Variants in RGS21 observed in about 807,000 individuals in gnomAD.
RGS21 encodes regulator of G-protein signalling 21.
Under a neutral mutation model 18.7 loss-of-function variants are expected in RGS21, and 19 were observed. The ratio of observed to expected loss-of-function variants is 1.01; its 90% CI spans 0.71 to 1.49. The LOEUF is 1.49. Ranked by LOEUF, RGS21 falls within the 40% of genes most tolerant of loss-of-function variation. The pLI is 0.00. For synonymous variants in RGS21, 56 were observed against 57.8 expected (o/e 0.97, Z 0.14); for missense variants, 194 against 176.8 (o/e 1.10, Z -0.55).
intron 1 of RGS21, among the ~76,000 whole-genome samples, chr1:192,318,113 T>A (rs1369686366): frequency 1.3e-5 from 2 of 152,102 alleles, no homozygotes; most frequent in Non-Finnish European, 2.9e-5. Flanking sequence ...ATTCATCGTA[T>A]AATTGCCTTT....
At chr1:192,335,677 T>C (rs1027829189) in intron 1 of RGS21, among the ~76,000 whole-genome samples, 5 of 152,190 alleles carry the variant, frequency 3.3e-5, no homozygotes, top group Admixed American at 3.3e-4. Flanking sequence ...AACGGAAGGT[T>C]ATTGATAGGT....
At chr1:192,351,831 T>C (rs920187605) in intron 3 of RGS21, among the ~76,000 whole-genome samples, 3 of 148,518 alleles carry the variant, frequency 2.0e-5, no homozygotes, top group Admixed American at 1.4e-4. Flanking sequence ...ATATGTGTTA[T>C]ATATGTTATA....
At chr1:192,328,397 GAATT>G (rs1658599001) in intron 1 of RGS21, among the ~76,000 whole-genome samples, 1 of 152,116 alleles carries the variant, frequency 6.6e-6, no homozygotes, top group Non-Finnish European at 1.5e-5. Flanking sequence ...CTTAGTAGTT[GAATT>G]AATAATTTAG....
At chr1:192,344,655 A>G (rs959560939) in intron 2 of RGS21, among the ~76,000 whole-genome samples, 2 of 152,134 alleles carry the variant, frequency 1.3e-5, no homozygotes, top group Admixed American at 1.3e-4. Context: ...ACTGGCAACA[A>G]ACAAGCATTA....
chr1:192,334,440 A>G (rs1658734729), intron 1 of RGS21, among the ~76,000 whole-genome samples: 1 of 152,174 alleles, frequency 6.6e-6, no homozygotes, highest in Non-Finnish European at 1.5e-5. Context: ...ACTGAATTCT[A>G]TTTCAGGAAG....
At chr1:192,333,134 G>A (rs1658684399) in intron 1 of RGS21, among the ~76,000 whole-genome samples, 1 of 151,990 alleles carries the variant, frequency 6.6e-6, no homozygotes, top group Admixed American at 6.6e-5. Flanking sequence ...TGCCGATCTA[G>A]GTAATAGAAC....
chr1:192,362,638 G>C (rs1659202127), intron 4 of RGS21, among the ~76,000 whole-genome samples: 1 of 152,148 alleles, frequency 6.6e-6, no homozygotes. Context: ...CATCTCCTGA[G>C]AACAGTAAAC....
intron 1 of RGS21, among the ~76,000 whole-genome samples, chr1:192,320,208 A>C (rs1658476206): frequency 1.3e-5 from 2 of 152,010 alleles, no homozygotes; most frequent in African/African-American, 4.8e-5. Context: ...ATCTGGGTGA[A>C]ATAATCTGTT....
intron 2 of RGS21, among the ~76,000 whole-genome samples, chr1:192,345,580 C>T (rs180975985): frequency 3.9e-5 from 6 of 152,116 alleles, no homozygotes; most frequent in African/African-American, 1.4e-4. Flanking sequence ...GACTTACATA[C>T]TAATGGGAAT....
intron 3 of RGS21, among the ~76,000 whole-genome samples, chr1:192,348,107 C>T (rs1658982685): frequency 1.3e-5 from 2 of 150,970 alleles, no homozygotes; most frequent in African/African-American, 2.4e-5. Flanking sequence ...CTCACTGCAA[C>T]CTCTGCCTCC....
At chr1:192,353,796 G>A (rs931479915) in intron 4 of RGS21, among the ~76,000 whole-genome samples, 1 of 151,434 alleles carries the variant, frequency 6.6e-6, no homozygotes, top group Non-Finnish European at 1.5e-5. Context: ...AAACTTCACA[G>A]CTTTTTATAG....
rs1310968416 is a variant in RGS21, at chr1:192,355,870, G to A, written c.255+3657G>A. On this transcript the variant is annotated intron_variant, in intron 4 of 4. Transcript: ENST00000417209. ...CTATATTGAAAAGAAAGTCATAGAG[G>A]ATGAAAATATGTCATTAAAGAGAAA... 3.3e-5 allele frequency among the ~76,000 whole-genome samples: 5 copies of A among 151,330 alleles called. No individual in the cohort carries two copies. The East Asian group carries it at 9.7e-4, about 29-fold the overall frequency.
At chr1:192,317,467 A>C (rs886698310) in intron 1 of RGS21, among the ~76,000 whole-genome samples, 1 of 151,706 alleles carries the variant, frequency 6.6e-6, no homozygotes, top group Non-Finnish European at 1.5e-5. Context: ...AATCTATCTC[A>C]TACTTTTCTT....
rs1394722742 is a variant in RGS21 at position 192,352,176 on chromosome 1, T to C, written c.218T>C (p.Ile73Thr). ...AAAATTGCTTCCAAAGCCAAGATGA[T>C]TTATTCTGAATTCATTGAAGCTGAT... ...ADKIASKAKMIYSEFIEADAP... is the reference protein window; with the variant it reads ...ADKIASKAKMTYSEFIEADAP... Residue 73 changes from isoleucine (I) to threonine (T), a missense_variant, in exon 4 of 5, where the codon ATT becomes ACT. Physicochemically the swap from Ile to Thr is moderately conservative, Grantham distance 89. Transcript: ENST00000417209. 1 of 1,610,708 alleles carries C rather than the reference T, an allele frequency of 6.2e-7. No individual in the cohort carries two copies. Among genetic ancestry groups the C allele is most frequent in the Admixed American group, 1.7e-5 (1 of 59,560 alleles).
intron 1 of RGS21, among the ~76,000 whole-genome samples, chr1:192,324,520 G>T (rs1658539595): frequency 6.6e-6 from 1 of 151,752 alleles, no homozygotes; most frequent in African/African-American, 2.4e-5. Flanking sequence ...ATTTCACATT[G>T]GAAAAAACTG....
chr1:192,335,386 C>T (rs930649072), intron 1 of RGS21, among the ~76,000 whole-genome samples: 1 of 152,164 alleles, frequency 6.6e-6, no homozygotes, highest in African/African-American at 2.4e-5. Context: ...TAGCAGCTTA[C>T]TAATAGAGAT....
chr1:192,333,894 A>T (rs1402113925), intron 1 of RGS21, among the ~76,000 whole-genome samples: 1 of 152,170 alleles, frequency 6.6e-6, no homozygotes, highest in African/African-American at 2.4e-5. Flanking sequence ...ACTGGGATAG[A>T]CTGTGCAAAG....
intron 1 of RGS21, among the ~76,000 whole-genome samples, chr1:192,328,512 T>C (rs1213805144): frequency 1.9e-4 from 29 of 152,210 alleles, no homozygotes; most frequent in Admixed American, 1.8e-3. Context: ...CCATCAACTA[T>C]GCTAGGCCAT....
At chr1:192,364,264 A>G (rs925827566) in intron 4 of RGS21, among the ~76,000 whole-genome samples, 1 of 152,108 alleles carries the variant, frequency 6.6e-6, no homozygotes, top group Non-Finnish European at 1.5e-5. Flanking sequence ...AACTTTGATG[A>G]GGGACTCAAG....
Sources: allele counts gnomAD v4.1 joint callset (sites outside exome capture counted in the v4.1 genomes callset), GRCh38; gene constraint gnomAD v4.1.1; transcripts MANE v1.5; gene names NCBI Gene and HGNC (gene_info 2026-07-23, HGNC 2026-07-21).